The following PRR20G variants were observed in gnomAD, a reference collection of about 807,000 sequenced individuals.
PRR20G encodes the protein proline-rich protein 20G.
rs1274072567 is a variant in PRR20G at position 127,285,960 on chromosome 3, C to T, written c.53-1320G>A. On this transcript the variant is annotated intron_variant, in intron 2 of 2. Coordinates refer to ENST00000465482, the MANE Select transcript of PRR20G (RefSeq NM_001362810.2). The stretch of plus-strand genomic sequence containing the variant: ...TGAAAAGGAATATTCAGAAAAACTA[C>T]AGCTTTTTGAAATTAAAATTATGAG... 3.3e-5 allele frequency among the ~76,000 whole-genome samples: 5 copies of T among 151,970 alleles called. No homozygotes were observed. The East Asian group carries it at 9.6e-4, about 29-fold the overall frequency.
At chr3:127,284,800 G>C (rs1176582552) in intron 2 of PRR20G, 160 bp from the exon 3 acceptor site, 1 of 152,320 alleles carries the variant, frequency 6.6e-6, no homozygotes, top group African/African-American at 2.4e-5. Context: ...GGAGCACTCT[G>C]TCCAAGGGCC....
chr3:127,287,344 T>C lies in PRR20G; in HGVS notation c.22A>G (p.Lys8Glu), dbSNP rs557730560. The change falls in exon 2 of 3, where the codon AAA becomes GAA. Residue 8 changes from lysine (K) to glutamate (E), a missense_variant. Lys to Glu is a moderately conservative substitution (Grantham distance 56). Transcript: ENST00000465482. MEEPRHS[K>E]RPRFLAPNQA... ...TTTGGGGCCAGGAAGCGAGGTCGTT[T>C]CGAGTGCCTTGGTTCCTCCATGAGG... 6.6e-6 allele frequency among the ~76,000 whole-genome samples: 1 copy of C among 152,304 alleles called. No individual in the cohort carries two copies. Among genetic ancestry groups the C allele is most frequent in the African/African-American group, 2.4e-5 (1 of 41,574 alleles).
intron 2 of PRR20G, among the ~76,000 whole-genome samples, chr3:127,286,275 C>G (rs2080386918): frequency 6.6e-6 from 1 of 152,152 alleles, no homozygotes; most frequent in African/African-American, 2.4e-5. Context: ...GCAATTAAAT[C>G]TAGAAGATTA....
chr3:127,285,495 C>T lies in PRR20G; in HGVS notation c.53-855G>A, dbSNP rs1476857751. Among the ~76,000 whole-genome samples the T allele has an allele frequency of 3.9e-5, 6 of 152,250 alleles. No individual in the cohort carries two copies. The East Asian group carries it at 1.2e-3, about 29-fold the overall frequency. On this transcript the variant is annotated intron_variant, in intron 2 of 2. Coordinates refer to ENST00000465482, the MANE Select transcript of PRR20G (RefSeq NM_001362810.2). ...ACAGATACATGATTGAGCAATGGAA[C>T]AGAACAGGAAGTCCGAAACTAGACA...
intron 2 of PRR20G, among the ~76,000 whole-genome samples, 93 bp downstream of exon 2, chr3:127,287,221 T>A (rs1420330005): frequency 1.3e-5 from 2 of 152,116 alleles, no homozygotes; most frequent in East Asian, 3.9e-4. Flanking sequence ...TCATAACATG[T>A]CACATTTGCA....
intron 2 of PRR20G, among the ~76,000 whole-genome samples, chr3:127,286,928 T>A (rs1177954389): frequency 6.6e-6 from 1 of 152,064 alleles, no homozygotes; most frequent in Non-Finnish European, 1.5e-5. Context: ...AATCCTAGTG[T>A]CCTACTGGCT....
chr3:127,286,445 A>G (rs2080387965), intron 2 of PRR20G, among the ~76,000 whole-genome samples: 1 of 152,246 alleles, frequency 6.6e-6, no homozygotes, highest in African/African-American at 2.4e-5. Flanking sequence ...GTGCCTATCA[A>G]ACTAGACAAG....
At position 127,286,384 on chromosome 3, in the gene PRR20G, A is replaced by AT. The variant is rs1329096809; in HGVS notation, c.52+929_52+930insA. Among the ~76,000 whole-genome samples the AT allele has an allele frequency of 2.9e-3, 443 of 152,360 alleles. 1 individual carries two copies. The highest frequency in any genetic ancestry group is 9.9e-3 in the African/African-American group (410 of 41,584). On this transcript the variant is annotated intron_variant, in intron 2 of 2. Transcript: ENST00000465482. Reference sequence around the variant, plus strand: ...TAGGAATCAGAATGAAGATGTTTGCAGACAAGCAAGATCTTAAATAATTTC... The same window carrying AT: ...TAGGAATCAGAATGAAGATGTTTGCATGACAAGCAAGATCTTAAATAATTTC...
At chr3:127,285,955 AACT>A (rs1433829811) in intron 2 of PRR20G, among the ~76,000 whole-genome samples, 1 of 152,124 alleles carries the variant, frequency 6.6e-6, no homozygotes, top group Non-Finnish European at 1.5e-5. Flanking sequence ...TATTCAGAAA[AACT>A]ACAGCTTTTT....
chr3:127,285,445 T>G (rs72956483), intron 2 of PRR20G, among the ~76,000 whole-genome samples: 2,909 of 151,992 alleles, frequency 0.019, 97 homozygotes, highest in African/African-American at 0.067. Context: ...TATAAGCTAG[T>G]TTGGCAGGGA....
At chr3:127,286,948 T>G (rs1576281444) in intron 2 of PRR20G, among the ~76,000 whole-genome samples, 2 of 150,950 alleles carry the variant, frequency 1.3e-5, no homozygotes, top group African/African-American at 2.4e-5. Flanking sequence ...TCCTGGGCGG[T>G]GGGGGAGGGG....
intron 2 of PRR20G, 182 bp from the exon 3 acceptor site, chr3:127,284,822 C>A (rs532705542): frequency 1.5e-4 from 23 of 152,332 alleles, no homozygotes; most frequent in African/African-American, 5.5e-4. Flanking sequence ...AGCCTGGGCT[C>A]AGCACTTTCC....
chr3:127,285,979 TTA>T (rs2080385079), intron 2 of PRR20G, among the ~76,000 whole-genome samples: 1 of 151,824 alleles, frequency 6.6e-6, no homozygotes, highest in Non-Finnish European at 1.5e-5. Flanking sequence ...GAAATTAAAA[TTA>T]TGAGAGCAGA....
At chr3:127,285,399 T>G (rs1423707222) in intron 2 of PRR20G, among the ~76,000 whole-genome samples, 2 of 151,882 alleles carry the variant, frequency 1.3e-5, no homozygotes, top group Non-Finnish European at 2.9e-5. Flanking sequence ...CGGGGGTAGT[T>G]GCATGGCTTC....
chr3:127,285,049 T>C (rs1421426920), intron 2 of PRR20G, among the ~76,000 whole-genome samples: 1 of 152,062 alleles, frequency 6.6e-6, no homozygotes, highest in East Asian at 1.9e-4. Context: ...AGGTGAAAGG[T>C]ATCATAAGGG....
At chr3:127,285,969 GAAATTA>G (rs141401155) in intron 2 of PRR20G, among the ~76,000 whole-genome samples, 2,007 of 152,170 alleles carry the variant, frequency 0.013, 35 homozygotes, top group African/African-American at 0.04. Flanking sequence ...ACAGCTTTTT[GAAATTA>G]AAATTATGAG....
chr3:127,286,293 T>A (rs2080387029), intron 2 of PRR20G, among the ~76,000 whole-genome samples: 1 of 152,132 alleles, frequency 6.6e-6, no homozygotes, highest in African/African-American at 2.4e-5. Context: ...TTATAGAAAA[T>A]GCCTTCAAAA....
At position 127,287,943 on chromosome 3, in the gene PRR20G, G is replaced by A. The variant is rs1252898002; in HGVS notation, c.-72C>T. On this transcript the variant is annotated 5_prime_UTR_variant, in exon 1 of 3. Coordinates refer to ENST00000465482, the MANE Select transcript of PRR20G (RefSeq NM_001362810.2). ...CCTGAGGAGCTGGAGGTGTCCACGG[G>A]ATCACGGCTATGGCTCCGACGTCGC... 6.9e-6 allele frequency among the ~76,000 whole-genome samples: 1 copy of A among 145,208 alleles called. No individual in the cohort carries two copies. The highest frequency in any genetic ancestry group is 1.5e-5 in the Non-Finnish European group (1 of 65,674).
At chr3:127,285,559 T>C (rs2080383017) in intron 2 of PRR20G, among the ~76,000 whole-genome samples, 1 of 152,140 alleles carries the variant, frequency 6.6e-6, no homozygotes, top group Non-Finnish European at 1.5e-5. Context: ...GAGTAGGCAT[T>C]GAAGATCATC....
Sources: gnomAD v4.1 joint callset for allele counts (sites outside exome capture counted in the v4.1 genomes callset) on GRCh38, gnomAD v4.1.1 for gene constraint, MANE v1.5 for transcripts, NCBI Gene and HGNC (gene_info 2026-07-23, HGNC 2026-07-21) for gene names.